The following NIM1K variants were observed in gnomAD, a reference collection of about 807,000 sequenced individuals.
The protein encoded by NIM1K is NIM1 serine/threonine protein kinase.
Under a neutral mutation model 37.1 loss-of-function variants are expected in NIM1K, and 35 were observed. That is an observed-to-expected ratio of 0.94 (90% CI 0.72 to 1.25). The LOEUF is 1.25. Ranked by LOEUF, NIM1K falls within the 50% of genes most tolerant of loss-of-function variation. The probability of loss-of-function intolerance (pLI) is 0.00; values close to 1 mark genes in which losing one functional copy is unlikely to be tolerated. For missense variants in NIM1K, 564 were observed against 548.0 expected (o/e 1.03, Z -0.29); for synonymous variants, 234 against 206.6 (o/e 1.13, Z -1.14).
Position 43,212,004 on chromosome 5 carries a change from G to A in NIM1K, c.-695+19593G>A, listed in dbSNP as rs1034599507. ...TATAAGACTAACAAAAACAAAATTC[G>A]GATTTTTCTTAGGATGATTACCTAG... On this transcript the variant is annotated intron_variant, in intron 1 of 3. Transcript: ENST00000326035. Among the ~76,000 whole-genome samples the A allele has an allele frequency of 7.9e-5, 12 of 152,082 alleles. 1 individual carries two copies. The highest frequency in any genetic ancestry group is 1.9e-4 in the African/African-American group (8 of 41,496).
intron 2 of NIM1K, among the ~76,000 whole-genome samples, chr5:43,269,919 T>G (rs886942933): frequency 6.6e-6 from 1 of 151,988 alleles, no homozygotes; most frequent in Non-Finnish European, 1.5e-5. Flanking sequence ...TGCCCGGCCA[T>G]GTGTGTGTGT....
intron 2 of NIM1K, among the ~76,000 whole-genome samples, chr5:43,249,230 C>T (rs192374442): frequency 1.5e-3 from 233 of 151,894 alleles, no homozygotes; most frequent in East Asian, 5.6e-3. Flanking sequence ...CCACCACGCC[C>T]GGCTAATTTT....
At chr5:43,261,900 T>G (rs1474936110) in intron 2 of NIM1K, among the ~76,000 whole-genome samples, 1 of 152,234 alleles carries the variant, frequency 6.6e-6, no homozygotes, top group Non-Finnish European at 1.5e-5. Flanking sequence ...GTCAGCTTTG[T>G]CAAAGATCAG....
chr5:43,262,265 T>G (rs968621986), intron 2 of NIM1K, among the ~76,000 whole-genome samples: 4 of 152,256 alleles, frequency 2.6e-5, no homozygotes, highest in African/African-American at 9.6e-5. Context: ...TCCATTTGTT[T>G]GTGTCCTCTT....
At chr5:43,259,573 A>G (rs545558690) in intron 2 of NIM1K, among the ~76,000 whole-genome samples, 4 of 152,106 alleles carry the variant, frequency 2.6e-5, no homozygotes, top group Admixed American at 6.5e-5. Context: ...GGCCATTTGT[A>G]TGTCTTCTTT....
In NIM1K at chr5:43,275,355, T is replaced by C. The variant is rs549020543; in HGVS notation, c.293-1702T>C. Among the ~76,000 whole-genome samples the C allele has an allele frequency of 3.9e-5, 6 of 152,348 alleles. No individual in the cohort carries two copies. The East Asian group carries it at 1.2e-3, about 29-fold the overall frequency. ...TCTCTCTTGCTGGGTACTTAAGCTA[T>C]TCCCAATATCACAGAAGCCTTTTTA... On this transcript the variant is annotated intron_variant, in intron 2 of 3. Transcript: ENST00000326035.
chr5:43,252,767 C>A (rs1487187607), intron 2 of NIM1K, among the ~76,000 whole-genome samples: 1 of 152,010 alleles, frequency 6.6e-6, no homozygotes. Flanking sequence ...AGAAATTTCT[C>A]ATAAGAGATG....
rs1438448974 is a variant in NIM1K at position 43,280,255 on chromosome 5, A to G, written c.837A>G (p.Leu279=). 4 of 1,614,004 alleles carry G rather than the reference A, an allele frequency of 2.5e-6. No individual in the cohort carries two copies. The highest frequency in any genetic ancestry group is 2.2e-5 in the East Asian group (1 of 44,870). Residue 279 remains leucine (L), a synonymous_variant, in exon 4 of 4, where the codon CTA becomes CTG. Transcript: ENST00000326035. ...TTCGGGCAGAAACCGTGGCCAAACT[A>G]AAAAAGAGCATCCTCGAGGGCACAT... ...MPFRAETVAK[L]KKSILEGTYS... is the part of the protein sequence containing the mutation.
chr5:43,212,529 C>T (rs78681204), intron 1 of NIM1K, among the ~76,000 whole-genome samples: 4,378 of 152,252 alleles, frequency 0.029, 100 homozygotes, highest in Middle Eastern at 0.12. Flanking sequence ...GCTCCAGAAG[C>T]AACCCTGGGG....
rs1026121996 is a variant in NIM1K, at chr5:43,232,466, G to T, written c.-694-12616G>T. On this transcript the variant is annotated intron_variant, in intron 1 of 3. Transcript: ENST00000326035. Reference sequence around the variant, plus strand: ...AAATCTCAGGGAAGCAGTGATGGAGGACACAATTTGACCTATCAACCTATT... The same window carrying T: ...AAATCTCAGGGAAGCAGTGATGGAGTACACAATTTGACCTATCAACCTATT... The T allele has an allele frequency of 6.0e-6, 9 of 1,494,990 alleles. No homozygotes were observed. In the African/African-American group the frequency reaches 9.6e-5, roughly 16 times the overall value. 92.6% of individuals were successfully genotyped at this position (1,494,990 alleles called of 1,614,324 possible).
rs532526440 is a variant in NIM1K, at chr5:43,277,815, T to TGTGA, written c.561+491_561+492insTGAG. Reference sequence around the variant, plus strand: ...GTGTGTGTGTGTGTGTGTGTGTGTGTGAGAGAGAGAGAGAGAGAGAGAGAG... The same window carrying TGTGA: ...GTGTGTGTGTGTGTGTGTGTGTGTGTGTGAGAGAGAGAGAGAGAGAGAGAGAGAG... On this transcript the variant is annotated intron_variant, in intron 3 of 3. Coordinates refer to ENST00000326035, the MANE Select transcript of NIM1K (RefSeq NM_153361.4). Among the ~76,000 whole-genome samples the TGTGA allele has an allele frequency of 5.0e-3, 639 of 128,912 alleles. 2 individuals carry two copies. Among genetic ancestry groups the TGTGA allele is most frequent in the South Asian group, 0.018 (70 of 3,980 alleles). 84.6% of individuals were successfully genotyped at this position (128,912 alleles called of 152,430 possible). A position where few individuals can be genotyped will look rare whatever the true frequency, so the allele number is the denominator to read the frequency against.
chr5:43,223,729 T>C (rs1273681177), intron 1 of NIM1K, among the ~76,000 whole-genome samples: 1 of 152,146 alleles, frequency 6.6e-6, no homozygotes, highest in Non-Finnish European at 1.5e-5. Flanking sequence ...ATCTGATAGG[T>C]GGGAAACCTT....
At chr5:43,243,316 T>C (rs1752730936) in intron 1 of NIM1K, among the ~76,000 whole-genome samples, 1 of 152,232 alleles carries the variant, frequency 6.6e-6, no homozygotes, top group Non-Finnish European at 1.5e-5. Flanking sequence ...CATTCTAGTC[T>C]GTCATAAGCT....
chr5:43,231,877 C>T (rs543859630), intron 1 of NIM1K: 64 of 1,168,022 alleles, frequency 5.5e-5, no homozygotes, highest in Non-Finnish European at 7.6e-5. Context: ...TCCTTATAAT[C>T]CTTCTCAAGG....
intron 1 of NIM1K, among the ~76,000 whole-genome samples, chr5:43,196,067 T>C (rs1037355335): frequency 2.8e-4 from 43 of 152,272 alleles, no homozygotes; most frequent in Middle Eastern, 3.4e-3. Context: ...TAGTTCATTC[T>C]GACTCCCTGC....
At chr5:43,199,218 T>A (rs796750171) in intron 1 of NIM1K, among the ~76,000 whole-genome samples, 33,712 of 83,542 alleles carry the variant, frequency 0.4, 7,985 homozygotes, top group East Asian at 0.46. Flanking sequence ...TATATATATA[T>A]ATATATATAT....
intron 1 of NIM1K, among the ~76,000 whole-genome samples, chr5:43,209,630 T>G (rs1293509982): frequency 6.6e-6 from 1 of 152,114 alleles, no homozygotes; most frequent in Non-Finnish European, 1.5e-5. Context: ...TTTCTTTTGT[T>G]TTTTGAGACA....
intron 2 of NIM1K, among the ~76,000 whole-genome samples, chr5:43,263,295 C>G (rs1268005224): frequency 2.6e-5 from 4 of 152,034 alleles, no homozygotes; most frequent in African/African-American, 9.7e-5. Flanking sequence ...GAACCTGTTA[C>G]TGGTCTATTC....
chr5:43,261,390 G>T (rs1337708308), intron 2 of NIM1K, among the ~76,000 whole-genome samples: 2 of 152,110 alleles, frequency 1.3e-5, no homozygotes, highest in East Asian at 3.9e-4. Flanking sequence ...GTGTCTGTTG[G>T]CTGCATAAAT....
Sources: allele counts gnomAD v4.1 joint callset (sites outside exome capture counted in the v4.1 genomes callset), GRCh38; gene constraint gnomAD v4.1.1; transcripts MANE v1.5; gene names NCBI Gene and HGNC (gene_info 2026-07-23, HGNC 2026-07-21).